Variants in TBXAS1 observed in about 807,000 individuals in gnomAD.
The protein encoded by TBXAS1 is thromboxane A synthase 1, also known as thromboxane-A synthase.
TBXAS1 carries 48 observed loss-of-function variants against 60.7 expected under a neutral mutation model. That is an observed-to-expected ratio of 0.79 (90% CI 0.63 to 1.01). TBXAS1 has a LOEUF of 1.01. Among genes scored for constraint, TBXAS1 ranks in the 50% least tolerant of loss-of-function variants. The pLI is 0.00. For synonymous variants in TBXAS1, 287 were observed against 269.7 expected, an observed-to-expected ratio of 1.06 and a Z score of -0.63; for missense variants, 685 against 686.3, an observed-to-expected ratio of 1.00 and a Z score of 0.02.
At chr7:139,904,995 C>CTT (rs776971323) in intron 3 of TBXAS1, among the ~76,000 whole-genome samples, 1,487 of 127,804 alleles carry the variant, frequency 0.012, 23 homozygotes, top group South Asian at 0.028. Context: ...TTCTCTCTTT[C>CTT]TCTCTTTCTC....
chr7:139,962,984 T>C (rs1180535644), intron 9 of TBXAS1: 2 of 152,266 alleles, frequency 1.3e-5, no homozygotes, highest in Admixed American at 1.3e-4. Context: ...ACATTCACCA[T>C]TTTGAAAGGT....
intron 9 of TBXAS1, among the ~76,000 whole-genome samples, chr7:139,980,643 G>T (rs192717330): frequency 6.6e-6 from 1 of 151,248 alleles, no homozygotes; most frequent in African/African-American, 2.4e-5. Context: ...TTTCCTCCCC[G>T]TCTTCTCCTT....
At chr7:139,791,074 G>A (rs1048318580) in intron 4 of TBXAS1, among the ~76,000 whole-genome samples, 3 of 152,170 alleles carry the variant, frequency 2.0e-5, no homozygotes, top group Non-Finnish European at 4.4e-5. Flanking sequence ...AAAGTGCTGG[G>A]ATTACAGGCA....
chr7:139,914,290 G>A (rs1250964398), intron 4 of TBXAS1, among the ~76,000 whole-genome samples: 1 of 151,974 alleles, frequency 6.6e-6, no homozygotes, highest in African/African-American at 2.4e-5. Context: ...TCTCACCTTG[G>A]CCTCCCAAAT....
intron 1 of TBXAS1, among the ~76,000 whole-genome samples, chr7:139,867,680 C>T (rs1050139271): frequency 2.0e-5 from 3 of 151,926 alleles, no homozygotes; most frequent in South Asian, 2.1e-4. Context: ...ATTAGCCTGG[C>T]GTGGTGGGCG....
chr7:139,834,709 A>G (rs967024883), intron 1 of TBXAS1, among the ~76,000 whole-genome samples: 5 of 152,212 alleles, frequency 3.3e-5, no homozygotes, highest in Non-Finnish European at 7.3e-5. Context: ...CACATAAACT[A>G]AAAAACCTAG....
At chr7:139,939,409 A>C (rs915249580) in intron 5 of TBXAS1, among the ~76,000 whole-genome samples, 14 of 148,268 alleles carry the variant, frequency 9.4e-5, no homozygotes, top group Non-Finnish European at 1.2e-4. Context: ...AGAGGTAGAG[A>C]GAGATTTCAT....
chr7:139,873,918 C>A (rs1802018679), intron 2 of TBXAS1, among the ~76,000 whole-genome samples: 1 of 152,094 alleles, frequency 6.6e-6, no homozygotes, highest in African/African-American at 2.4e-5. Context: ...CTGATAATAT[C>A]CCTTCAACAT....
intron 4 of TBXAS1, among the ~76,000 whole-genome samples, chr7:139,821,861 G>C (rs1798308204): frequency 6.6e-6 from 1 of 152,210 alleles, no homozygotes; most frequent in African/African-American, 2.4e-5. Flanking sequence ...GAAGGAGGTG[G>C]CCGTAATGAC....
chr7:139,842,691 A>T (rs2062382562), intron 1 of TBXAS1, among the ~76,000 whole-genome samples: 1 of 152,214 alleles, frequency 6.6e-6, no homozygotes, highest in Non-Finnish European at 1.5e-5. Flanking sequence ...GTGTTAGCTG[A>T]TAGGGGAGTT....
rs573544031 is a variant in TBXAS1, at chr7:139,971,690, G to T, written c.1134+9457G>T. On this transcript the variant is annotated intron_variant, in intron 9 of 12. Transcript: ENST00000448866. The stretch of plus-strand genomic sequence containing the variant: ...CAGTAACCCGTAGGGAAACTGACCC[G>T]CTCTGCCTGGGAGCTGCTCCCAGGA... Among the ~76,000 whole-genome samples, 3 of 152,100 alleles carry T rather than the reference G, an allele frequency of 2.0e-5. No homozygotes were observed. The South Asian group carries it at 6.2e-4, about 32-fold the overall frequency.
intron 1 of TBXAS1, among the ~76,000 whole-genome samples, chr7:139,859,217 T>A (rs1800799545): frequency 6.9e-6 from 1 of 145,466 alleles, no homozygotes; most frequent in African/African-American, 2.7e-5. Context: ...TTTTTTTTTT[T>A]TTGAGACGGA....
At chr7:139,948,516 CT>C (rs937592454) in intron 5 of TBXAS1, among the ~76,000 whole-genome samples, 3 of 152,254 alleles carry the variant, frequency 2.0e-5, no homozygotes. Context: ...CAATAAATCA[CT>C]TTTTTTAAAC....
chr7:140,015,346 C>T (rs1455685355), intron 10 of TBXAS1, among the ~76,000 whole-genome samples: 1 of 152,062 alleles, frequency 6.6e-6, no homozygotes, highest in East Asian at 1.9e-4. Context: ...AGGCTGTGGC[C>T]CAGGAATGAC....
At chr7:139,926,036 G>A (rs1013921866) in intron 4 of TBXAS1, among the ~76,000 whole-genome samples, 1 of 152,116 alleles carries the variant, frequency 6.6e-6, no homozygotes, top group Non-Finnish European at 1.5e-5. Flanking sequence ...CAGTTTGCTA[G>A]TATTTTGTTA....
chr7:139,988,306 T>G (rs1228499093), intron 9 of TBXAS1, among the ~76,000 whole-genome samples: 1 of 152,246 alleles, frequency 6.6e-6, no homozygotes, highest in African/African-American at 2.4e-5. Flanking sequence ...GGCTCCAGCT[T>G]AGCCCGAGCG....
intron 9 of TBXAS1, among the ~76,000 whole-genome samples, chr7:139,983,994 A>G (rs1812147255): frequency 6.6e-6 from 1 of 152,218 alleles, no homozygotes; most frequent in South Asian, 2.1e-4. Flanking sequence ...CACAAACAGC[A>G]TCTTGCAGGT....
chr7:139,972,829 T>C (rs1359230380), intron 9 of TBXAS1, among the ~76,000 whole-genome samples: 1 of 152,104 alleles, frequency 6.6e-6, no homozygotes, highest in African/African-American at 2.4e-5. Context: ...CTGGGTACCT[T>C]GGTAGGTCCC....
chr7:140,011,256 G>A (rs189018653), intron 10 of TBXAS1, among the ~76,000 whole-genome samples: 155 of 146,866 alleles, frequency 1.1e-3, no homozygotes, highest in Admixed American at 2.4e-3. Context: ...CACCCTGGGC[G>A]GCAGAGCGAG....
Sources: gnomAD v4.1 joint callset for allele counts (sites outside exome capture counted in the v4.1 genomes callset) on GRCh38, gnomAD v4.1.1 for gene constraint, MANE v1.5 for transcripts, NCBI Gene and HGNC (gene_info 2026-07-23, HGNC 2026-07-21) for gene names.